Variants in PTPN22 observed in about 807,000 individuals in gnomAD.
PTPN22 encodes the protein tyrosine-protein phosphatase non-receptor type 22.
Under a neutral mutation model 103.3 loss-of-function variants are expected in PTPN22, and 85 were observed. That is an observed-to-expected ratio of 0.82 (90% CI 0.69 to 0.99). The LOEUF is 0.99. Among genes scored for constraint, PTPN22 ranks in the 50% least tolerant of loss-of-function variants. The pLI is 0.00. For missense variants in PTPN22, 865 were observed against 936.9 expected, an observed-to-expected ratio of 0.92 and a Z score of 1.00; for synonymous variants, 323 against 310.2, an observed-to-expected ratio of 1.04 and a Z score of -0.43.
At chr1:113,821,246 C>A (rs1571337263) in intron 19 of PTPN22, among the ~76,000 whole-genome samples, 1 of 152,240 alleles carries the variant, frequency 6.6e-6, no homozygotes, top group South Asian at 2.1e-4. Flanking sequence ...AGATTCCACA[C>A]ATATATATCA....
intron 7 of PTPN22, among the ~76,000 whole-genome samples, 172 bp from the exon 8 acceptor site, chr1:113,855,221 G>A (rs1030177694): frequency 3.3e-5 from 5 of 152,126 alleles, no homozygotes; most frequent in Admixed American, 2.6e-4. Context: ...GAGGCTGGGT[G>A]TGGTGGCTTA....
chr1:113,847,437 C>T (rs560942472), intron 11 of PTPN22, among the ~76,000 whole-genome samples: 46 of 150,768 alleles, frequency 3.1e-4, no homozygotes, highest in Middle Eastern at 6.8e-3. Flanking sequence ...TGTATCATCT[C>T]GGTGTTGTCA....
intron 11 of PTPN22, among the ~76,000 whole-genome samples, chr1:113,844,479 C>T (rs1571404682): frequency 6.6e-6 from 1 of 152,028 alleles, no homozygotes; most frequent in Admixed American, 6.6e-5. Context: ...AACAAAAAAC[C>T]AATTCTGATT....
rs541067305 is a variant in PTPN22 at position 113,845,515 on chromosome 1, A to T, written c.915+3025T>A. On this transcript the variant is annotated intron_variant, in intron 11 of 20. Transcript: ENST00000359785. ...ACTGCTCCCAGGCTAATTTCAATTT[A>T]AAAAAATTTTTCAAATTTTTCAGAT... is the stretch of plus-strand genomic sequence containing the variant. 2.1e-4 allele frequency among the ~76,000 whole-genome samples: 32 copies of T among 152,210 alleles called. No homozygotes were observed. In the East Asian group the frequency reaches 5.0e-3, roughly 24 times the overall value.
At chr1:113,866,976 G>T (rs756207661) in intron 1 of PTPN22, among the ~76,000 whole-genome samples, 1 of 152,108 alleles carries the variant, frequency 6.6e-6, no homozygotes, top group African/African-American at 2.4e-5. Context: ...TGAACTCCTG[G>T]ACTCAAGCCA....
chr1:113,871,399 C>CTT, intron 1 of PTPN22, 138 bp downstream of exon 1: 11 of 596,144 alleles, frequency 1.8e-5, no homozygotes, highest in South Asian at 6.7e-5. Context: ...AGAAGTCAAA[C>CTT]TTTTTTTTTT....
chr1:113,826,830 C>T (rs1037794617), intron 18 of PTPN22, among the ~76,000 whole-genome samples: 8 of 150,852 alleles, frequency 5.3e-5, no homozygotes, highest in Non-Finnish European at 8.9e-5. Flanking sequence ...CCACTACGCC[C>T]GGCTAATTTT....
intron 19 of PTPN22, among the ~76,000 whole-genome samples, chr1:113,822,416 A>C (rs1411612577): frequency 6.6e-6 from 1 of 152,138 alleles, no homozygotes; most frequent in Non-Finnish European, 1.5e-5. Flanking sequence ...ACTTAGAATA[A>C]ACTAAACTAC....
At chr1:113,818,588 G>A (rs948422859) in intron 20 of PTPN22, among the ~76,000 whole-genome samples, 2 of 152,124 alleles carry the variant, frequency 1.3e-5, no homozygotes, top group Non-Finnish European at 2.9e-5. Context: ...TAACTTAGGC[G>A]TGGCAGAGAT....
chr1:113,819,116 G>C (rs903964821), intron 20 of PTPN22, among the ~76,000 whole-genome samples: 1 of 152,188 alleles, frequency 6.6e-6, no homozygotes, highest in Non-Finnish European at 1.5e-5. Context: ...ATTGTTTTAA[G>C]TTTATAGCTT....
At chr1:113,857,877 T>C (rs1240355772) in intron 4 of PTPN22, 101 bp from the exon 5 acceptor site, 2 of 1,121,712 alleles carry the variant, frequency 1.8e-6, no homozygotes, top group Admixed American at 5.3e-5. Flanking sequence ...CGTTCTTTTT[T>C]CTGTTTTGTC....
At chr1:113,843,310 T>TGTG (rs1340145279) in intron 11 of PTPN22, among the ~76,000 whole-genome samples, 10 of 137,720 alleles carry the variant, frequency 7.3e-5, no homozygotes, top group East Asian at 2.1e-4. Flanking sequence ...GTGTGTGTGG[T>TGTG]GTGTGTGTGT....
intron 8 of PTPN22, 54 bp from the exon 9 acceptor site, chr1:113,854,591 C>A (rs1031433651): frequency 6.6e-7 from 1 of 1,513,938 alleles, no homozygotes; most frequent in Middle Eastern, 1.7e-4. Context: ...AGAGAATGGA[C>A]CATTGACAGT....
exon 13 of PTPN22, chr1:113,838,281 T>G (rs1204168016): frequency 3.1e-6 from 5 of 1,613,918 alleles, no homozygotes; most frequent in Non-Finnish European, 4.2e-6. Context: ...AAGTGCTTGA[T>G]TTAGCAGGGT....
exon 21 of PTPN22, chr1:113,814,935 T>C: frequency 6.2e-7 from 1 of 1,609,466 alleles, no homozygotes. Context: ...GTGGATTCCT[T>C]GGTCCTTTGG....
chr1:113,847,890 C>T (rs1571415085), intron 11 of PTPN22, among the ~76,000 whole-genome samples: 2 of 152,022 alleles, frequency 1.3e-5, no homozygotes, highest in African/African-American at 4.8e-5. Context: ...GAGTGAACCA[C>T]TGCACCCGGC....
chr1:113,827,137 G>A (rs992376503), intron 18 of PTPN22, among the ~76,000 whole-genome samples: 1 of 152,004 alleles, frequency 6.6e-6, no homozygotes, highest in Non-Finnish European at 1.5e-5. Context: ...TATTTTCAAG[G>A]GCAAATAGTT....
chr1:113,871,715 T>A (rs967922822), upstream of PTPN22: 2 of 1,106,192 alleles, frequency 1.8e-6, no homozygotes, highest in African/African-American at 3.1e-5. Context: ...AAGCCACTGC[T>A]GCCGCCTGAG....
chr1:113,826,659 ATTTTTTTTTT>A, intron 18 of PTPN22, among the ~76,000 whole-genome samples: 1 of 63,110 alleles, frequency 1.6e-5, no homozygotes, highest in African/African-American at 6.8e-5. Flanking sequence ...GGAGTCTCTA[ATTTTTTTTTT>A]TTTTTTTTTT....
Sources: gnomAD v4.1 joint callset for allele counts (sites outside exome capture counted in the v4.1 genomes callset) on GRCh38, gnomAD v4.1.1 for gene constraint, MANE v1.5 for transcripts, NCBI Gene and HGNC (gene_info 2026-07-23, HGNC 2026-07-21) for gene names.